The following GRIN2A variants were observed in gnomAD, a reference collection of about 807,000 sequenced individuals.
GRIN2A encodes the protein glutamate ionotropic receptor NMDA type subunit 2A.
In GRIN2A, 22 loss-of-function variants were observed where a neutral mutation model predicts 113.4. That is an observed-to-expected ratio of 0.19 (90% confidence interval 0.14 to 0.28). GRIN2A has a LOEUF of 0.28. GRIN2A is among the 10% of genes least tolerant of loss of function. The pLI, the probability that GRIN2A is intolerant of heterozygous loss-of-function variation, is 1.00. For missense variants in GRIN2A, 1,502 were observed against 1,887.0 expected (o/e 0.80, Z 3.78); for synonymous variants, 827 against 738.4 (o/e 1.12, Z -1.94).
At chr16:9,778,100 T>C (rs1248522597) in intron 11 of GRIN2A, among the ~76,000 whole-genome samples, 1 of 152,102 alleles carries the variant, frequency 6.6e-6, no homozygotes, top group Admixed American at 6.5e-5. Flanking sequence ...CTACAACTTG[T>C]GCAGCTTCCC....
intron 2 of GRIN2A, among the ~76,000 whole-genome samples, chr16:10,039,808 G>GGGAGAGAGAGAGAGAGA (rs1555469298): frequency 4.7e-5 from 3 of 63,822 alleles, no homozygotes; most frequent in African/African-American, 2.3e-4. Flanking sequence ...GGGAGGGGGG[G>GGGAGAGAGAGAGAGAGA]GAGAAAGAGA....
At chr16:9,780,857 G>GT (rs1901896941) in intron 11 of GRIN2A, among the ~76,000 whole-genome samples, 1 of 152,286 alleles carries the variant, frequency 6.6e-6, no homozygotes, top group Admixed American at 6.5e-5. Context: ...TTTTTTAAGC[G>GT]TGATATTTCT....
At chr16:9,902,510 T>C (rs2043948506) in intron 3 of GRIN2A, among the ~76,000 whole-genome samples, 1 of 152,250 alleles carries the variant, frequency 6.6e-6, no homozygotes, top group African/African-American at 2.4e-5. Context: ...CTATCTTCTT[T>C]AAGCTACTTT....
intron 2 of GRIN2A, among the ~76,000 whole-genome samples, chr16:10,170,998 G>C (rs1043652601): frequency 6.6e-6 from 1 of 152,054 alleles, no homozygotes; most frequent in Non-Finnish European, 1.5e-5. Flanking sequence ...AGTCTTTAGA[G>C]TGACTCCATC....
chr16:10,124,021 C>A (rs60964509), intron 2 of GRIN2A, among the ~76,000 whole-genome samples: 12,088 of 152,212 alleles, frequency 0.079, 546 homozygotes, highest in Admixed American at 0.11. Flanking sequence ...TTCCCACCTT[C>A]TTTCCAGGCA....
At chr16:9,833,998 T>G in intron 8 of GRIN2A, 107 bp downstream of exon 8, 146 of 1,127,436 alleles carry the variant, frequency 1.3e-4, no homozygotes, top group Non-Finnish European at 1.8e-4. Flanking sequence ...ATTACAGGCG[T>G]GAGCCACCAT....
chr16:10,147,455 C>CA (rs367830700), intron 2 of GRIN2A, among the ~76,000 whole-genome samples: 32,884 of 73,240 alleles, frequency 0.45, 7,705 homozygotes, highest in East Asian at 0.83. Flanking sequence ...ACTAAAAATA[C>CA]AAAAAAAAAA....
intron 3 of GRIN2A, among the ~76,000 whole-genome samples, chr16:9,921,844 G>C (rs1008544442): frequency 6.6e-6 from 1 of 152,150 alleles, no homozygotes; most frequent in Non-Finnish European, 1.5e-5. Flanking sequence ...CTGTGCTTCT[G>C]TCATGCCTTT....
At chr16:10,145,922 C>T (rs2049430030) in intron 2 of GRIN2A, among the ~76,000 whole-genome samples, 1 of 152,204 alleles carries the variant, frequency 6.6e-6, no homozygotes, top group Non-Finnish European at 1.5e-5. Flanking sequence ...GAAGGTGATA[C>T]AGGAAAGACT....
intron 2 of GRIN2A, among the ~76,000 whole-genome samples, chr16:10,126,988 G>A (rs1406167226): frequency 6.6e-6 from 1 of 152,134 alleles, no homozygotes; most frequent in Non-Finnish European, 1.5e-5. Context: ...GCTGCCCTAA[G>A]CCAGTGAAAG....
chr16:10,072,165 G>A (rs2047765629), intron 2 of GRIN2A, among the ~76,000 whole-genome samples: 1 of 152,210 alleles, frequency 6.6e-6, no homozygotes, highest in African/African-American at 2.4e-5. Flanking sequence ...GAGCAAAGAT[G>A]TCTCAAGTGA....
At chr16:9,961,379 C>T (rs1424807482) in intron 2 of GRIN2A, among the ~76,000 whole-genome samples, 1 of 152,174 alleles carries the variant, frequency 6.6e-6, no homozygotes, top group African/African-American at 2.4e-5. Context: ...GGTTTCTACA[C>T]TTATCCTAAC....
chr16:9,796,711 G>A (rs1903010558), intron 11 of GRIN2A, among the ~76,000 whole-genome samples: 1 of 152,186 alleles, frequency 6.6e-6, no homozygotes, highest in Non-Finnish European at 1.5e-5. Flanking sequence ...CACGTGTGGA[G>A]CAGAGACCAC....
chr16:9,960,622 T>C (rs1307361167), intron 2 of GRIN2A, among the ~76,000 whole-genome samples: 2 of 152,208 alleles, frequency 1.3e-5, no homozygotes, highest in Non-Finnish European at 2.9e-5. Flanking sequence ...ATACACTTTA[T>C]TTTTATTTAT....
intron 2 of GRIN2A, among the ~76,000 whole-genome samples, chr16:9,969,109 A>G (rs1438788534): frequency 6.6e-6 from 1 of 152,170 alleles, no homozygotes; most frequent in Admixed American, 6.5e-5. Flanking sequence ...AGGTCACACT[A>G]GCCACACTTC....
At chr16:9,920,851 T>C (rs1290664079) in intron 3 of GRIN2A, among the ~76,000 whole-genome samples, 1 of 152,224 alleles carries the variant, frequency 6.6e-6, no homozygotes, top group Non-Finnish European at 1.5e-5. Flanking sequence ...CATTATAGAC[T>C]GGTTTGCACC....
At chr16:9,929,676 G>A (rs1025703701) in intron 3 of GRIN2A, among the ~76,000 whole-genome samples, 14 of 151,828 alleles carry the variant, frequency 9.2e-5, no homozygotes, top group African/African-American at 3.1e-4. Context: ...AATTTGCTTT[G>A]TTTTTTCACA....
rs191228443 is a variant in GRIN2A at position 9,969,612 on chromosome 16, C to A, written c.415-31061G>T. On this transcript the variant is annotated intron_variant, in intron 2 of 12. Coordinates refer to ENST00000330684, the MANE Select transcript of GRIN2A (RefSeq NM_001134407.3). ...TTGTCATCCACCACCCAAACTTACT[C>A]AGTGATACCTCAATCCACAGCCATC... is the stretch of plus-strand genomic sequence containing the variant. Among the ~76,000 whole-genome samples, 252 of 152,310 alleles carry A rather than the reference C, an allele frequency of 1.7e-3. 2 individuals are homozygous for A. The highest frequency in any genetic ancestry group is 3.0e-3 in the Non-Finnish European group (206 of 68,032).
intron 2 of GRIN2A, among the ~76,000 whole-genome samples, chr16:10,099,879 G>A (rs1171604593): frequency 1.3e-5 from 2 of 152,200 alleles, no homozygotes; most frequent in Non-Finnish European, 2.9e-5. Context: ...GAGTGCTGGG[G>A]ATATAACAGT....
Sources: allele counts gnomAD v4.1 joint callset (sites outside exome capture counted in the v4.1 genomes callset), GRCh38; gene constraint gnomAD v4.1.1; transcripts MANE v1.5; gene names NCBI Gene and HGNC (gene_info 2026-07-23, HGNC 2026-07-21).